PRDM16: variants seen among roughly 807,000 people sequenced by gnomAD.
The protein encoded by PRDM16 is histone-lysine N-methyltransferase PRDM16.
Under a neutral mutation model 110.6 loss-of-function variants are expected in PRDM16, and 23 were observed. The ratio of observed to expected loss-of-function variants is 0.21; its 90% CI spans 0.15 to 0.29. The LOEUF is 0.29. Among genes scored for constraint, PRDM16 ranks in the 10% least tolerant of loss-of-function variants. The pLI, the probability that PRDM16 is intolerant of heterozygous loss-of-function variation, is 1.00. For synonymous variants in PRDM16, 799 were observed against 781.8 expected, an observed-to-expected ratio of 1.02 and a Z score of -0.37; for missense variants, 1,615 against 1,794.3, an observed-to-expected ratio of 0.90 and a Z score of 1.81.
At chr1:3,431,223 C>T in intron 15 of PRDM16, 115 bp downstream of exon 15, 15 of 1,447,828 alleles carry the variant, frequency 1.0e-5, no homozygotes, top group Non-Finnish European at 1.3e-5. Flanking sequence ...GCCCCTACTC[C>T]AGCACAGCCA....
chr1:3,076,161 AG>A (rs1641894119), intron 1 of PRDM16, among the ~76,000 whole-genome samples: 1 of 152,216 alleles, frequency 6.6e-6, no homozygotes, highest in African/African-American at 2.4e-5. Flanking sequence ...GTGCAGCTCC[AG>A]CCCGTGCTCT....
At chr1:3,333,379 C>T (rs1642081900) in intron 3 of PRDM16, among the ~76,000 whole-genome samples, 1 of 152,148 alleles carries the variant, frequency 6.6e-6, no homozygotes, top group Non-Finnish European at 1.5e-5. Context: ...CTGAGCAGGG[C>T]CAGTGCTTTG....
intron 2 of PRDM16, among the ~76,000 whole-genome samples, chr1:3,200,420 G>A (rs1638592070): frequency 6.6e-6 from 1 of 152,290 alleles, no homozygotes; most frequent in South Asian, 2.1e-4. Flanking sequence ...TCCGCTCACT[G>A]CAAGCTCCGC....
Position 3,069,462 on chromosome 1 carries a change from G to T in PRDM16, c.37+166G>T, listed in dbSNP as rs1048611028. Among the ~76,000 whole-genome samples the T allele has an allele frequency of 1.8e-3, 264 of 144,148 alleles. 1 individual carries two copies. The highest frequency in any genetic ancestry group is 7.2e-3 in the Middle Eastern group (2 of 278). 94.6% of individuals were successfully genotyped at this position (144,148 alleles called of 152,430 possible). On this transcript the variant is annotated intron_variant, in intron 1 of 16. Transcript: ENST00000270722. This position sits in a 1 kb window ranked among gnomAD's most constrained non-coding sequence, Gnocchi z 6.1. ...GCTGCTCCGCCTCCCGCGCTCCGGG[G>T]CGACCGGGCTCGGCGCGGAGGCTCG...
rs973792203 is a variant in PRDM16, at chr1:3,359,697, T to C, written c.439-25455T>C. Among the ~76,000 whole-genome samples the C allele has an allele frequency of 1.3e-5, 2 of 152,214 alleles. No homozygotes were observed. The highest frequency in any genetic ancestry group is 1.3e-4 in the Admixed American group (2 of 15,280). ...GAAAATTTTTGGCAATCTTGACTTC[T>C]TTCCCCCTTGGAAAAAAAGCGTCCT... is the stretch of plus-strand genomic sequence containing the variant. On this transcript the variant is annotated intron_variant, in intron 3 of 16. Transcript: ENST00000270722. This position sits in a 1 kb window ranked among gnomAD's most constrained non-coding sequence, Gnocchi z 4.3.
chr1:3,260,925 C>A (rs1640151419), intron 3 of PRDM16, among the ~76,000 whole-genome samples: 1 of 150,234 alleles, frequency 6.7e-6, no homozygotes, highest in African/African-American at 2.5e-5. Context: ...CAGAAGACCC[C>A]AGAAGCTTCA....
At chr1:3,389,115 A>T (rs985797964) in intron 4 of PRDM16, among the ~76,000 whole-genome samples, 3 of 152,172 alleles carry the variant, frequency 2.0e-5, no homozygotes, top group Non-Finnish European at 4.4e-5. Context: ...CCTGCCCTGT[A>T]CAAAAGAGGA....
intron 1 of PRDM16, among the ~76,000 whole-genome samples, chr1:3,159,261 T>C (rs555475739): frequency 6.3e-4 from 96 of 152,374 alleles, no homozygotes; most frequent in Non-Finnish European, 1.2e-3. Flanking sequence ...ACCAGGCCAC[T>C]TGCAGAAGTA....
chr1:3,433,724 C>A lies in PRDM16; in HGVS notation c.3744C>A (p.Thr1248=). 1 of 1,614,034 alleles carries A rather than the reference C, an allele frequency of 6.2e-7. No homozygotes were observed. Among genetic ancestry groups the A allele is most frequent in the Non-Finnish European group, 8.5e-7 (1 of 1,179,954 alleles). The change falls in exon 17 of 17, where the codon ACC becomes ACA. Residue 1248 remains threonine (T), a synonymous_variant. Transcript: ENST00000270722. ...LSLSEDTPLH[T]PSQGSLDAWL... is the part of the protein sequence containing the mutation. The stretch of plus-strand genomic sequence containing the variant: ...TTTCCGAAGACACTCCTCTCCACAC[C>A]CCCTCCCAGGGTTCTCTGGACGCTT...
intron 3 of PRDM16, among the ~76,000 whole-genome samples, chr1:3,321,326 G>A (rs891596216): frequency 2.0e-5 from 3 of 151,312 alleles, no homozygotes; most frequent in East Asian, 1.9e-4. Context: ...GTGTGGGTCC[G>A]TGTGTGTGTG....
At chr1:3,135,113 T>C (rs1643410482) in intron 1 of PRDM16, among the ~76,000 whole-genome samples, 1 of 152,208 alleles carries the variant, frequency 6.6e-6, no homozygotes, top group Non-Finnish European at 1.5e-5. Flanking sequence ...GCTCGCTCTT[T>C]ATTTTGGGGG....
intron 1 of PRDM16, among the ~76,000 whole-genome samples, chr1:3,083,240 G>A (rs1239717652): frequency 6.6e-6 from 1 of 152,298 alleles, no homozygotes; most frequent in African/African-American, 2.4e-5. Flanking sequence ...CAGGGGTCGG[G>A]TCTCCTGGCT....
chr1:3,155,655 A>G (rs1251231958), intron 1 of PRDM16, among the ~76,000 whole-genome samples: 1 of 152,264 alleles, frequency 6.6e-6, no homozygotes, highest in Non-Finnish European at 1.5e-5. Context: ...CTGAAAAATG[A>G]GATCATTTCA....
chr1:3,253,372 C>G (rs1467644081), intron 3 of PRDM16, among the ~76,000 whole-genome samples: 2 of 117,126 alleles, frequency 1.7e-5, no homozygotes, highest in East Asian at 2.8e-4. Context: ...CCCCACCCCA[C>G]AACAGTCCCC....
At chr1:3,330,061 A>G (rs1294842689) in intron 3 of PRDM16, among the ~76,000 whole-genome samples, 1 of 152,248 alleles carries the variant, frequency 6.6e-6, no homozygotes, top group Non-Finnish European at 1.5e-5. Flanking sequence ...GAGTCTGCCC[A>G]GAGAACAGCA....
chr1:3,185,977 C>T (rs1049285922), intron 1 of PRDM16, 148 bp from the exon 2 acceptor site: 13 of 646,932 alleles, frequency 2.0e-5, no homozygotes, highest in Middle Eastern at 4.2e-4. Context: ...GTGGAGGCAG[C>T]GTCTCCCGGG....
intron 1 of PRDM16, among the ~76,000 whole-genome samples, chr1:3,103,348 C>T (rs978221042): frequency 4.6e-5 from 7 of 152,212 alleles, no homozygotes; most frequent in African/African-American, 1.7e-4. Context: ...TAAGGGCACC[C>T]GTCCTATTGG....
At chr1:3,177,320 CT>C (rs2100771949) in intron 1 of PRDM16, among the ~76,000 whole-genome samples, 1 of 152,316 alleles carries the variant, frequency 6.6e-6, no homozygotes, top group East Asian at 1.9e-4. Flanking sequence ...GACGAAGGCC[CT>C]TACTGACTGC....
intron 3 of PRDM16, among the ~76,000 whole-genome samples, chr1:3,371,384 A>G (rs1300071434): frequency 6.7e-6 from 1 of 150,334 alleles, no homozygotes; most frequent in African/African-American, 2.5e-5. Context: ...CCACCCATCC[A>G]TTCACCCACC....
Sources: allele counts gnomAD v4.1 joint callset (sites outside exome capture counted in the v4.1 genomes callset), GRCh38; gene constraint gnomAD v4.1.1; non-coding constraint Gnocchi (gnomAD v3.1); transcripts MANE v1.5; gene names NCBI Gene and HGNC (gene_info 2026-07-23, HGNC 2026-07-21).